PKNOX2: variants seen among roughly 807,000 people sequenced by gnomAD.
PKNOX2 encodes the protein PBX/knotted 1 homeobox 2.
In PKNOX2, 14 loss-of-function variants were observed where a neutral mutation model predicts 53.1. The ratio of observed to expected loss-of-function variants is 0.26; its 90% CI spans 0.17 to 0.41. The LOEUF is 0.41. PKNOX2 is among the 10% of genes least tolerant of loss of function. PKNOX2 has a pLI of 1.00. For missense variants in PKNOX2, 496 were observed against 602.8 expected (o/e 0.82, Z 1.85); for synonymous variants, 257 against 242.8 (o/e 1.06, Z -0.54).
intron 6 of PKNOX2, among the ~76,000 whole-genome samples, chr11:125,396,130 T>C (rs547144498): frequency 6.6e-6 from 1 of 152,144 alleles, no homozygotes; most frequent in South Asian, 2.1e-4. Context: ...ATTTTTGTAA[T>C]TTTAGTAGAT....
chr11:125,320,217 A>C (rs1188239109), intron 2 of PKNOX2, among the ~76,000 whole-genome samples: 2 of 152,202 alleles, frequency 1.3e-5, no homozygotes, highest in Admixed American at 1.3e-4. Flanking sequence ...TATTCAGTCT[A>C]AAGTGGGAAT....
At chr11:125,319,324 T>C (rs1022553685) in intron 2 of PKNOX2, among the ~76,000 whole-genome samples, 2 of 152,172 alleles carry the variant, frequency 1.3e-5, no homozygotes, top group Non-Finnish European at 2.9e-5. Flanking sequence ...CACCATAACA[T>C]ATATAATAAT....
chr11:125,241,543 G>A (rs192149161), intron 2 of PKNOX2, among the ~76,000 whole-genome samples: 3 of 152,258 alleles, frequency 2.0e-5, no homozygotes, highest in Admixed American at 6.5e-5. Context: ...GTCATAACAG[G>A]CACCCTACAA....
rs34795718 is a variant in PKNOX2, at chr11:125,396,580, T to TAA, written c.400-1278_400-1277dup. Among the ~76,000 whole-genome samples the TAA allele has an allele frequency of 1.0e-3, 145 of 138,236 alleles. 1 individual carries two copies. The South Asian group carries it at 0.011, about 11-fold the overall frequency. The allele number at this position is 138,236 out of a possible 152,430, so 90.7% of individuals were successfully genotyped here. A position where few individuals can be genotyped will look rare whatever the true frequency, so the allele number is the denominator to read the frequency against. On this transcript the variant is annotated intron_variant, in intron 6 of 12. Coordinates refer to ENST00000298282, the MANE Select transcript of PKNOX2 (RefSeq NM_001382323.2). ...TCCTAAAGAATAATGCAGAAACTTT[T>TAA]AAAAAAAAAAAAAAAAAGCTATAAG...
chr11:125,425,797 G>A (rs1199565250), intron 10 of PKNOX2, among the ~76,000 whole-genome samples: 3 of 152,210 alleles, frequency 2.0e-5, no homozygotes, highest in Non-Finnish European at 4.4e-5. Context: ...GTACGAGCTG[G>A]ACTGCTCCCA....
chr11:125,321,593 C>T (rs1949517449), intron 2 of PKNOX2, among the ~76,000 whole-genome samples: 2 of 152,150 alleles, frequency 1.3e-5, no homozygotes, highest in South Asian at 4.1e-4. Context: ...AGATGTGGAA[C>T]CCACAGATAC....
At chr11:125,254,605 C>T (rs755702848) in intron 2 of PKNOX2, among the ~76,000 whole-genome samples, 1 of 152,226 alleles carries the variant, frequency 6.6e-6, no homozygotes, top group East Asian at 1.9e-4. Context: ...TTTTGAATAC[C>T]TGTACCCTGC....
intron 2 of PKNOX2, among the ~76,000 whole-genome samples, chr11:125,280,112 T>C (rs941248864): frequency 3.3e-5 from 5 of 151,452 alleles, no homozygotes; most frequent in African/African-American, 9.7e-5. Flanking sequence ...CTTTTTTTTT[T>C]TTTTTTTAAC....
chr11:125,233,675 A>G (rs1465057344), intron 1 of PKNOX2, among the ~76,000 whole-genome samples: 1 of 152,190 alleles, frequency 6.6e-6, no homozygotes, highest in Admixed American at 6.5e-5. Flanking sequence ...GCCCCTGAGG[A>G]AATGACTTTG....
At chr11:125,357,944 T>C (rs141665227) in intron 4 of PKNOX2, among the ~76,000 whole-genome samples, 151 of 152,340 alleles carry the variant, frequency 9.9e-4, no homozygotes, top group Non-Finnish European at 1.8e-3. Flanking sequence ...CATTGTGCTG[T>C]GTACTGGGGT....
chr11:125,309,200 CTCTTCCTTCCTTT>C, intron 2 of PKNOX2, among the ~76,000 whole-genome samples: 1 of 144,122 alleles, frequency 6.9e-6, no homozygotes, highest in African/African-American at 2.8e-5. Context: ...TCCTTCCTCT[CTCTTCCTTCCTTT>C]CTCTCTCTCT....
intron 8 of PKNOX2, 57 bp from the exon 9 acceptor site, chr11:125,410,722 G>C: frequency 7.5e-7 from 1 of 1,330,332 alleles, no homozygotes; most frequent in Non-Finnish European, 1.1e-6. Context: ...AACCCTGCTT[G>C]CCCTCGCTCC....
chr11:125,187,441 G>T (rs1956523222), intron 1 of PKNOX2, among the ~76,000 whole-genome samples: 1 of 151,928 alleles, frequency 6.6e-6, no homozygotes, highest in African/African-American at 2.4e-5. Context: ...TTTATTTCTA[G>T]ATTTTAAAAA....
intron 1 of PKNOX2, among the ~76,000 whole-genome samples, chr11:125,177,936 T>C (rs7944195): frequency 0.11 from 16,859 of 152,164 alleles, 2,674 homozygotes; most frequent in African/African-American, 0.35. Context: ...ATCTTTGTAA[T>C]AGGGAGTAGG....
chr11:125,167,206 G>T (rs372315564), intron 1 of PKNOX2, among the ~76,000 whole-genome samples: 1 of 150,788 alleles, frequency 6.6e-6, no homozygotes, highest in African/African-American at 2.4e-5. Flanking sequence ...GGTGGGAGCG[G>T]GGGGGAGGAG....
intron 7 of PKNOX2, among the ~76,000 whole-genome samples, chr11:125,405,232 G>T (rs112810466): frequency 6.6e-6 from 1 of 152,234 alleles, no homozygotes; most frequent in African/African-American, 2.4e-5. Context: ...TGTTTCACAG[G>T]CATCCAAGTA....
chr11:125,196,135 G>GT, intron 1 of PKNOX2, among the ~76,000 whole-genome samples: 1 of 152,280 alleles, frequency 6.6e-6, no homozygotes, highest in South Asian at 2.1e-4. Context: ...TGCACACAAA[G>GT]CATGGAGCTG....
chr11:125,172,989 C>G (rs971925315), intron 1 of PKNOX2, among the ~76,000 whole-genome samples: 11 of 152,192 alleles, frequency 7.2e-5, no homozygotes, highest in African/African-American at 2.4e-4. Context: ...CTTGTTGAGA[C>G]AGCGTGGGGC....
In PKNOX2 at chr11:125,431,439, G is replaced by A. The variant is rs770183722; in HGVS notation, c.*47G>A. On this transcript the variant is annotated 3_prime_UTR_variant, in exon 13 of 13. Transcript: ENST00000298282. ...GATCACTGAGCAGGAGAGGAGTGTC[G>A]CCGGGAGGCCTTCAGGGTGGGGGGG... The A allele has an allele frequency of 7.1e-5, 72 of 1,017,322 alleles. No individual in the cohort carries two copies. The highest frequency in any genetic ancestry group is 8.1e-5 in the Non-Finnish European group (61 of 755,662). 63.0% of individuals were successfully genotyped at this position (1,017,322 alleles called of 1,614,324 possible).
Sources: gnomAD v4.1 joint callset for allele counts (sites outside exome capture counted in the v4.1 genomes callset) on GRCh38, gnomAD v4.1.1 for gene constraint, MANE v1.5 for transcripts, NCBI Gene and HGNC (gene_info 2026-07-23, HGNC 2026-07-21) for gene names.